The following JMY variants were observed in gnomAD, a reference collection of about 807,000 sequenced individuals.
JMY encodes junction mediating and regulatory protein, p53 cofactor.
A neutral mutation model predicts 103.3 loss-of-function variants in JMY; 46 were observed. The ratio of observed to expected loss-of-function variants is 0.45; its 90% CI spans 0.35 to 0.57. The LOEUF (loss-of-function observed/expected upper bound fraction) is 0.57. Ranked by LOEUF, JMY falls within the 20% of genes least tolerant of loss-of-function variation. The probability of loss-of-function intolerance (pLI) is 0.00; values close to 1 mark genes in which losing one functional copy is unlikely to be tolerated. For missense variants in JMY, 1,238 were observed against 1,255.2 expected, an observed-to-expected ratio of 0.99 and a Z score of 0.21; for synonymous variants, 526 against 489.3, an observed-to-expected ratio of 1.07 and a Z score of -0.99.
chr5:79,298,525 C>A (rs1746632448), intron 4 of JMY, among the ~76,000 whole-genome samples: 1 of 152,156 alleles, frequency 6.6e-6, no homozygotes, highest in East Asian at 1.9e-4. Context: ...AACAACAGTT[C>A]ATATTGTTCA....
intron 1 of JMY, among the ~76,000 whole-genome samples, chr5:79,271,829 TG>T (rs1745792614): frequency 6.6e-6 from 1 of 152,196 alleles, no homozygotes; most frequent in Non-Finnish European, 1.5e-5. Flanking sequence ...TGTTCTGGGC[TG>T]GGCGCAGTGG....
chr5:79,283,629 A>G (rs1441460750), intron 2 of JMY, among the ~76,000 whole-genome samples: 1 of 152,180 alleles, frequency 6.6e-6, no homozygotes, highest in Non-Finnish European at 1.5e-5. Flanking sequence ...GGGTCTCAAA[A>G]ATGTGATCAC....
At chr5:79,300,596 G>C in intron 5 of JMY, 80 bp from the exon 6 acceptor site, 2 of 1,137,920 alleles carry the variant, frequency 1.8e-6, no homozygotes, top group Non-Finnish European at 2.5e-6. Context: ...TGCAGAGCCA[G>C]TAATGAGATT....
intron 1 of JMY, among the ~76,000 whole-genome samples, chr5:79,264,217 C>G (rs1745512005): frequency 6.6e-6 from 1 of 151,868 alleles, no homozygotes; most frequent in South Asian, 2.1e-4. Flanking sequence ...TCCTGAGTAG[C>G]TGGGACTACA....
At position 79,236,568 on chromosome 5, in the gene JMY, C is replaced by T. The variant is rs1744502066; in HGVS notation, c.-83C>T. On this transcript the variant is annotated 5_prime_UTR_variant, in exon 1 of 11. Transcript: ENST00000396137. ...GCTGAAGGCGCCCGGCGAGGGTGAG[C>T]GGGGGGCGCGGCGCAGCCAGCGGGG... The T allele has an allele frequency of 4.4e-6, 5 of 1,138,954 alleles. No homozygotes were observed. Among genetic ancestry groups the T allele is most frequent in the South Asian group, 5.4e-5 (2 of 37,284 alleles). The allele number at this position is 1,138,954 out of a possible 1,614,324, so 70.6% of individuals were successfully genotyped here.
intron 8 of JMY, among the ~76,000 whole-genome samples, chr5:79,312,877 A>G (rs1031175178): frequency 1.3e-5 from 2 of 152,168 alleles, no homozygotes; most frequent in Admixed American, 1.3e-4. Flanking sequence ...TCAAATGACC[A>G]TTGGCAGAAT....
intron 10 of JMY, among the ~76,000 whole-genome samples, chr5:79,318,596 A>T (rs1304066077): frequency 6.6e-6 from 1 of 152,108 alleles, no homozygotes; most frequent in African/African-American, 2.4e-5. Context: ...TTCAGCCAAC[A>T]TTCAGTAGTA....
rs1190634794 is a variant in JMY, at chr5:79,300,826, G to A, written c.1844G>A (p.Arg615Gln). Residue 615 changes from arginine to glutamine, a missense_variant, in exon 6 of 11, where the codon CGG becomes CAG. Coordinates refer to ENST00000396137, the MANE Select transcript of JMY (RefSeq NM_152405.5). ...KARQLEARRG[R>Q]VSAKKSYLRN... ...CGCCAGCTGGAAGCAAGACGTGGAC[G>A]GGTTTCTGCCAAGAAATCCTACCTC... The A allele has an allele frequency of 7.5e-6, 12 of 1,596,786 alleles. No individual in the cohort carries two copies. The highest frequency in any genetic ancestry group is 1.1e-5 in the South Asian group (1 of 87,500).
At chr5:79,282,958 T>G (rs757088509) in intron 2 of JMY, among the ~76,000 whole-genome samples, 1 of 150,424 alleles carries the variant, frequency 6.6e-6, no homozygotes, top group Non-Finnish European at 1.5e-5. Context: ...AATCAAAATA[T>G]CAAACCGGTT....
At chr5:79,282,424 T>G (rs1245895262) in intron 2 of JMY, among the ~76,000 whole-genome samples, 2 of 152,186 alleles carry the variant, frequency 1.3e-5, no homozygotes, top group Non-Finnish European at 2.9e-5. Context: ...AAATGTTGCC[T>G]TTTGTAGGCA....
intron 6 of JMY, among the ~76,000 whole-genome samples, chr5:79,305,927 C>T (rs1324679124): frequency 6.6e-6 from 1 of 152,184 alleles, no homozygotes; most frequent in African/African-American, 2.4e-5. Context: ...GGTGCCATGA[C>T]TCATGCCTGT....
chr5:79,242,934 C>G (rs376192568), intron 1 of JMY, among the ~76,000 whole-genome samples: 24 of 152,222 alleles, frequency 1.6e-4, no homozygotes, highest in African/African-American at 5.5e-4. Context: ...CACGTGCATG[C>G]AAACACTCAA....
intron 2 of JMY, among the ~76,000 whole-genome samples, chr5:79,289,298 A>G (rs184290832): frequency 2.7e-5 from 4 of 149,940 alleles, no homozygotes; most frequent in Non-Finnish European, 5.9e-5. Context: ...ATTCATTACT[A>G]GCTTTTTAGT....
chr5:79,237,346 G>A lies in JMY; in HGVS notation c.696G>A (p.Leu232=). 1 of 1,608,532 alleles carries A rather than the reference G, an allele frequency of 6.2e-7. No homozygotes were observed. Among genetic ancestry groups the A allele is most frequent in the Non-Finnish European group, 8.5e-7 (1 of 1,177,962 alleles). ...CCGAAGAGTGCAGCTGGGCCGGACTGTTTTCTTTCCAGGACCTGCGCGCCG... is the reference window on the plus strand; with the variant it reads ...CCGAAGAGTGCAGCTGGGCCGGACTATTTTCTTTCCAGGACCTGCGCGCCG... The part of the protein sequence containing the change: ...SPAEECSWAG[L]FSFQDLRAVH... Residue 232 remains leucine (L), a synonymous_variant, in exon 1 of 11, where the codon CTG becomes CTA. Transcript: ENST00000396137.
intron 2 of JMY, chr5:79,284,771 T>G: frequency 6.3e-7 from 1 of 1,576,796 alleles, no homozygotes; most frequent in Non-Finnish European, 8.6e-7. Context: ...TGGGTCCTGG[T>G]GATGAGCATC....
chr5:79,238,970 C>T (rs899690182), intron 1 of JMY, among the ~76,000 whole-genome samples: 12 of 152,118 alleles, frequency 7.9e-5, no homozygotes, highest in African/African-American at 1.2e-4. Context: ...GCCTGAAATG[C>T]CCCTTTTAAT....
intron 7 of JMY, among the ~76,000 whole-genome samples, chr5:79,307,750 C>T (rs760333989): frequency 2.0e-5 from 3 of 152,108 alleles, no homozygotes; most frequent in Non-Finnish European, 4.4e-5. Context: ...ATCTTTTGCT[C>T]TTTTGTTTTT....
intron 4 of JMY, among the ~76,000 whole-genome samples, chr5:79,299,296 C>T (rs1746659880): frequency 6.6e-6 from 1 of 152,184 alleles, no homozygotes; most frequent in Non-Finnish European, 1.5e-5. Context: ...CTATGCTTGT[C>T]CTTCACATCT....
chr5:79,287,363 G>A (rs146858500), intron 2 of JMY, among the ~76,000 whole-genome samples: 72 of 152,354 alleles, frequency 4.7e-4, no homozygotes, highest in Middle Eastern at 3.4e-3. Flanking sequence ...GAGATGAATA[G>A]ACAAGAATGT....
Sources: gnomAD v4.1 joint callset for allele counts (sites outside exome capture counted in the v4.1 genomes callset) on GRCh38, gnomAD v4.1.1 for gene constraint, MANE v1.5 for transcripts, NCBI Gene and HGNC (gene_info 2026-07-23, HGNC 2026-07-21) for gene names.